SUGCT: variants seen among roughly 807,000 people sequenced by gnomAD.
The protein encoded by SUGCT is succinyl-CoA:glutarate CoA-transferase.
SUGCT carries 41 observed loss-of-function variants against 55.0 expected under a neutral mutation model. The observed-to-expected ratio is 0.74, with a 90% CI of 0.58 to 0.97. SUGCT has a LOEUF of 0.97. SUGCT is among the 50% of genes least tolerant of loss of function. The probability of loss-of-function intolerance (pLI) is 0.00; values close to 1 mark genes in which losing one functional copy is unlikely to be tolerated. For synonymous variants in SUGCT, 187 were observed against 200.4 expected, an observed-to-expected ratio of 0.93 and a Z score of 0.56; for missense variants, 568 against 547.8, an observed-to-expected ratio of 1.04 and a Z score of -0.37.
chr7:40,796,436 T>G (rs1194706872), intron 13 of SUGCT, among the ~76,000 whole-genome samples: 2 of 152,242 alleles, frequency 1.3e-5, no homozygotes, highest in Admixed American at 1.3e-4. Flanking sequence ...AAGAAGCATA[T>G]TAGAGAATTA....
chr7:40,789,913 T>G (rs1790222222), intron 13 of SUGCT, among the ~76,000 whole-genome samples: 1 of 152,176 alleles, frequency 6.6e-6, no homozygotes, highest in African/African-American at 2.4e-5. Context: ...TTAGAAAATG[T>G]GTCCAAGTCA....
chr7:40,158,461 G>A (rs1373758918), intron 1 of SUGCT, among the ~76,000 whole-genome samples: 2 of 152,092 alleles, frequency 1.3e-5, no homozygotes, highest in East Asian at 1.9e-4. Context: ...TTAAAAATGA[G>A]TAAATATGGC....
At chr7:40,264,166 T>G (rs1791403137) in intron 7 of SUGCT, among the ~76,000 whole-genome samples, 1 of 152,308 alleles carries the variant, frequency 6.6e-6, no homozygotes, top group South Asian at 2.1e-4. Flanking sequence ...TCGTGTACTT[T>G]CCTGCTTGTT....
intron 6 of SUGCT, among the ~76,000 whole-genome samples, chr7:40,203,603 C>T (rs1261336584): frequency 5.9e-5 from 9 of 151,894 alleles, no homozygotes; most frequent in Non-Finnish European, 2.9e-5. Flanking sequence ...GGTGAAACCC[C>T]GTCTCTATTA....
intron 7 of SUGCT, 38 bp downstream of exon 7, chr7:40,237,764 C>G: frequency 1.3e-6 from 2 of 1,552,052 alleles, no homozygotes; most frequent in Non-Finnish European, 1.8e-6. Context: ...AATTTCTTCC[C>G]TTACATATTC....
chr7:40,762,964 C>T (rs1251438927), intron 13 of SUGCT, among the ~76,000 whole-genome samples: 3 of 151,982 alleles, frequency 2.0e-5, no homozygotes, highest in South Asian at 2.1e-4. Context: ...AGGTGCCCAC[C>T]GTCATGCCCA....
intron 13 of SUGCT, among the ~76,000 whole-genome samples, chr7:40,822,908 G>A (rs1166940854): frequency 2.0e-5 from 3 of 152,016 alleles, no homozygotes; most frequent in African/African-American, 7.2e-5. Flanking sequence ...CAGAGAAAGT[G>A]AAGAATCAGT....
the SUGCT span, among the ~76,000 whole-genome samples, chr7:40,929,403 T>C: frequency 3.9e-5 from 6 of 152,214 alleles, no homozygotes; most frequent in African/African-American, 1.4e-4. Flanking sequence ...TGTGTCTTTA[T>C]AGAAGCATGA....
intron 1 of SUGCT, among the ~76,000 whole-genome samples, chr7:40,180,153 C>T (rs1785114946): frequency 6.6e-6 from 1 of 150,696 alleles, no homozygotes; most frequent in African/African-American, 2.5e-5. Flanking sequence ...GAGACGGTGT[C>T]TTGCTGTGTC....
intron 13 of SUGCT, among the ~76,000 whole-genome samples, chr7:40,857,208 G>A (rs1237609023): frequency 2.0e-5 from 3 of 152,106 alleles, no homozygotes; most frequent in African/African-American, 4.8e-5. Flanking sequence ...TTGGACCTTC[G>A]ATATAAATAA....
At chr7:40,853,017 T>C (rs925824736) in intron 13 of SUGCT, among the ~76,000 whole-genome samples, 1 of 151,738 alleles carries the variant, frequency 6.6e-6, no homozygotes, top group Admixed American at 6.6e-5. Flanking sequence ...ATTGATGAGT[T>C]TGATGATGAC....
At chr7:40,765,351 A>G (rs1788730745) in intron 13 of SUGCT, among the ~76,000 whole-genome samples, 1 of 152,048 alleles carries the variant, frequency 6.6e-6, no homozygotes, top group African/African-American at 2.4e-5. Flanking sequence ...CAAAAAAAGT[A>G]AACTAAATAA....
chr7:40,293,096 CT>C (rs111947963), intron 8 of SUGCT, among the ~76,000 whole-genome samples: 4 of 151,332 alleles, frequency 2.6e-5, no homozygotes, highest in South Asian at 2.1e-4. Context: ...GTGTTGAAAA[CT>C]TTTTTTTTAA....
intron 9 of SUGCT, among the ~76,000 whole-genome samples, chr7:40,335,337 G>C (rs1325068379): frequency 6.6e-6 from 1 of 151,850 alleles, no homozygotes; most frequent in Non-Finnish European, 1.5e-5. Flanking sequence ...ATTACCTTGG[G>C]CAGTATGGCC....
intron 9 of SUGCT, among the ~76,000 whole-genome samples, chr7:40,385,798 C>G (rs1785091570): frequency 6.6e-6 from 1 of 152,058 alleles, no homozygotes; most frequent in Non-Finnish European, 1.5e-5. Flanking sequence ...ATGCATATTG[C>G]TGTTTAGTTA....
intron 9 of SUGCT, among the ~76,000 whole-genome samples, chr7:40,399,801 C>T (rs1220005114): frequency 6.6e-6 from 1 of 152,194 alleles, no homozygotes; most frequent in African/African-American, 2.4e-5. Flanking sequence ...AAGAGCACAT[C>T]ACTACTTTAC....
chr7:41,004,804 G>GA, the SUGCT span, among the ~76,000 whole-genome samples: 38 of 151,258 alleles, frequency 2.5e-4, no homozygotes, highest in East Asian at 1.7e-3. Context: ...TACCCTTGTG[G>GA]AAAAAAAAAA....
intron 4 of SUGCT, among the ~76,000 whole-genome samples, chr7:40,189,267 G>A (rs1020317075): frequency 3.3e-5 from 5 of 152,026 alleles, no homozygotes; most frequent in East Asian, 1.9e-4. Context: ...GCCTGAACCC[G>A]GGAGGCAGAG....
At chr7:40,828,025 T>G (rs1480880808) in intron 13 of SUGCT, among the ~76,000 whole-genome samples, 1 of 152,210 alleles carries the variant, frequency 6.6e-6, no homozygotes, top group Admixed American at 6.5e-5. Flanking sequence ...TGGATTCTTA[T>G]GTGGAATGTG....
Sources: gnomAD v4.1 joint callset for allele counts (sites outside exome capture counted in the v4.1 genomes callset) on GRCh38, gnomAD v4.1.1 for gene constraint, MANE v1.5 for transcripts, NCBI Gene and HGNC (gene_info 2026-07-23, HGNC 2026-07-21) for gene names.